GALNT13: variants seen among roughly 807,000 people sequenced by gnomAD.
GALNT13 encodes UDP-GalNAc:polypeptide N-acetylgalactosaminyltransferase 13.
Under a neutral mutation model 64.2 loss-of-function variants are expected in GALNT13, and 28 were observed. The observed-to-expected ratio is 0.44, with a 90% confidence interval of 0.32 to 0.60. The LOEUF is 0.60. Among genes scored for constraint, GALNT13 ranks in the 20% least tolerant of loss-of-function variants. GALNT13 has a pLI of 0.05. For missense variants in GALNT13, 577 were observed against 669.8 expected, an observed-to-expected ratio of 0.86 and a Z score of 1.53; for synonymous variants, 214 against 224.6, an observed-to-expected ratio of 0.95 and a Z score of 0.42.
chr2:154,399,233 A>G (rs1699189452), intron 10 of GALNT13, among the ~76,000 whole-genome samples: 1 of 152,162 alleles, frequency 6.6e-6, no homozygotes. Flanking sequence ...GCTGAGTAAC[A>G]TAGTGAGAAC....
chr2:153,812,821 CAA>C, the GALNT13 span, among the ~76,000 whole-genome samples: 2 of 152,126 alleles, frequency 1.3e-5, no homozygotes, highest in African/African-American at 4.8e-5. Flanking sequence ...CCTATGCGCA[CAA>C]AGTGTTTTCT....
the GALNT13 span, among the ~76,000 whole-genome samples, chr2:153,676,933 G>T: frequency 1.3e-5 from 2 of 151,838 alleles, no homozygotes; most frequent in Non-Finnish European, 2.9e-5. Context: ...TACCGAATGG[G>T]CAAAAGCCAG....
At chr2:153,866,856 C>A in the GALNT13 span, among the ~76,000 whole-genome samples, 1 of 152,246 alleles carries the variant, frequency 6.6e-6, no homozygotes, top group East Asian at 1.9e-4. Context: ...TTTGTCTGCA[C>A]AAGTATAGGT....
the GALNT13 span, among the ~76,000 whole-genome samples, chr2:153,406,060 C>T: frequency 6.6e-6 from 1 of 152,162 alleles, no homozygotes; most frequent in South Asian, 2.1e-4. Context: ...CAAACTGTTA[C>T]AAGAAGCATA....
the GALNT13 span, among the ~76,000 whole-genome samples, chr2:153,243,914 A>G: frequency 5.1e-4 from 77 of 152,236 alleles, no homozygotes; most frequent in Middle Eastern, 0.01. Context: ...GTTCTAAAAG[A>G]TTTATGAAAA....
intron 9 of GALNT13, among the ~76,000 whole-genome samples, chr2:154,342,723 T>C (rs1695841258): frequency 1.3e-5 from 2 of 152,140 alleles, no homozygotes; most frequent in South Asian, 4.1e-4. Context: ...CGCTATTTGC[T>C]CTCCGGCCCT....
intron 3 of GALNT13, among the ~76,000 whole-genome samples, chr2:153,963,731 C>CTG (rs58455059): frequency 0.054 from 5,447 of 100,752 alleles, 192 homozygotes; most frequent in Middle Eastern, 0.12. Context: ...CTCTCTCTCT[C>CTG]TGTGTGTGTG....
the GALNT13 span, among the ~76,000 whole-genome samples, chr2:153,205,694 G>A: frequency 2.6e-4 from 39 of 152,040 alleles, no homozygotes; most frequent in African/African-American, 9.2e-4. Context: ...TTGCACACTA[G>A]GAGCTGCTTC....
chr2:154,061,593 G>A (rs1700187887), intron 3 of GALNT13, among the ~76,000 whole-genome samples: 2 of 152,054 alleles, frequency 1.3e-5, no homozygotes, highest in Non-Finnish European at 2.9e-5. Flanking sequence ...CTCCCACCAG[G>A]TCTGTCCCCC....
chr2:153,330,575 A>G, the GALNT13 span, among the ~76,000 whole-genome samples: 1 of 151,822 alleles, frequency 6.6e-6, no homozygotes, highest in Admixed American at 6.6e-5. Flanking sequence ...CTTGAACATT[A>G]TTAATATATA....
intron 4 of GALNT13, among the ~76,000 whole-genome samples, chr2:154,169,624 G>T (rs143825697): frequency 1.2e-3 from 188 of 152,286 alleles, no homozygotes; most frequent in African/African-American, 4.4e-3. Flanking sequence ...TTGGATACAG[G>T]CTGCCTTCAG....
the GALNT13 span, among the ~76,000 whole-genome samples, chr2:153,474,814 C>G: frequency 6.6e-6 from 1 of 152,224 alleles, no homozygotes; most frequent in Non-Finnish European, 1.5e-5. Context: ...GAATCTGTCT[C>G]TGTCTCTCAG....
At chr2:154,396,957 T>C (rs1165832933) in intron 10 of GALNT13, among the ~76,000 whole-genome samples, 1 of 149,950 alleles carries the variant, frequency 6.7e-6, no homozygotes, top group East Asian at 1.9e-4. Flanking sequence ...TTATATATAA[T>C]ATATTCCTGT....
intron 12 of GALNT13, among the ~76,000 whole-genome samples, chr2:154,443,403 A>G (rs1559158181): frequency 6.6e-6 from 1 of 152,064 alleles, no homozygotes; most frequent in Non-Finnish European, 1.5e-5. Flanking sequence ...TTGTTATTCT[A>G]TGCTTGATTA....
intron 9 of GALNT13, among the ~76,000 whole-genome samples, chr2:154,384,838 G>A (rs895539361): frequency 1.3e-5 from 2 of 151,916 alleles, no homozygotes; most frequent in African/African-American, 2.4e-5. Context: ...AACCATTCAG[G>A]AAATTTTTAT....
At chr2:153,489,408 T>C in the GALNT13 span, among the ~76,000 whole-genome samples, 2 of 152,242 alleles carry the variant, frequency 1.3e-5, no homozygotes, top group African/African-American at 4.8e-5. Context: ...AGCCTCATTC[T>C]ACCTTTTCAA....
At chr2:153,420,790 T>C in the GALNT13 span, 4 of 233,674 alleles carry the variant, frequency 1.7e-5, no homozygotes, top group Non-Finnish European at 2.8e-5. Context: ...TCCTCACCCA[T>C]TTCCCAGTGA....
chr2:153,683,330 T>A, the GALNT13 span, among the ~76,000 whole-genome samples: 1 of 151,806 alleles, frequency 6.6e-6, no homozygotes, highest in African/African-American at 2.4e-5. Flanking sequence ...CATAATAAAA[T>A]GGCCAATAAT....
chr2:153,171,999 T>C, the GALNT13 span: 3 of 152,168 alleles, frequency 2.0e-5, no homozygotes, highest in Non-Finnish European at 2.9e-5. Context: ...GGTTATAACA[T>C]GATGGGGTTC....
Sources: allele counts gnomAD v4.1 joint callset (sites outside exome capture counted in the v4.1 genomes callset), GRCh38; gene constraint gnomAD v4.1.1; transcripts MANE v1.5; gene names NCBI Gene and HGNC (gene_info 2026-07-23, HGNC 2026-07-21).